The following CADM2 variants were observed in gnomAD, a reference collection of about 807,000 sequenced individuals.
CADM2 encodes the protein immunoglobulin superfamily member 4D.
Under a neutral mutation model 49.8 loss-of-function variants are expected in CADM2, and 12 were observed. The ratio of observed to expected loss-of-function variants is 0.24; its 90% CI spans 0.15 to 0.39. The LOEUF is 0.39. Ranked by LOEUF, CADM2 falls within the 10% of genes least tolerant of loss-of-function variation. The pLI is 1.00. For synonymous variants in CADM2, 214 were observed against 175.4 expected, an observed-to-expected ratio of 1.22 and a Z score of -1.74; for missense variants, 378 against 492.3, an observed-to-expected ratio of 0.77 and a Z score of 2.20.
At chr3:85,945,031 C>T (rs1722477888) in intron 7 of CADM2, among the ~76,000 whole-genome samples, 1 of 151,730 alleles carries the variant, frequency 6.6e-6, no homozygotes, top group African/African-American at 2.4e-5. Context: ...AGACCGCTAG[C>T]AAGACTAATA....
chr3:85,890,788 A>T (rs1714326857), intron 5 of CADM2, among the ~76,000 whole-genome samples: 1 of 152,114 alleles, frequency 6.6e-6, no homozygotes, highest in Admixed American at 6.5e-5. Flanking sequence ...TTCTTTCACA[A>T]AGGAGTAGAA....
intron 8 of CADM2, among the ~76,000 whole-genome samples, chr3:85,979,917 G>A (rs1727266371): frequency 6.6e-6 from 1 of 151,352 alleles, no homozygotes; most frequent in Non-Finnish European, 1.5e-5. Context: ...ATACAAATAA[G>A]AATTTTATTT....
intron 8 of CADM2, among the ~76,000 whole-genome samples, chr3:86,050,765 A>T (rs1737237286): frequency 6.6e-6 from 1 of 152,144 alleles, no homozygotes; most frequent in Non-Finnish European, 1.5e-5. Flanking sequence ...TCACAATTAG[A>T]GGTGGAGTGG....
intron 1 of CADM2, among the ~76,000 whole-genome samples, chr3:85,286,370 A>G (rs2043632982): frequency 6.6e-6 from 1 of 152,188 alleles, no homozygotes; most frequent in African/African-American, 2.4e-5. Context: ...GTCCAAATCA[A>G]GAAATGCCCA....
intron 2 of CADM2, among the ~76,000 whole-genome samples, chr3:85,756,176 T>C: frequency 6.6e-6 from 1 of 152,090 alleles, no homozygotes; most frequent in Non-Finnish European, 1.5e-5. Flanking sequence ...TTTTTTTAAT[T>C]ACACCACAGC....
chr3:85,528,134 A>G (rs1449388), intron 1 of CADM2, among the ~76,000 whole-genome samples: 46,575 of 151,932 alleles, frequency 0.31, 8,142 homozygotes, highest in East Asian at 0.55. Context: ...GCTCTCAGGG[A>G]TCTCTCTTGC....
chr3:85,563,138 G>A (rs2107189157), intron 1 of CADM2, among the ~76,000 whole-genome samples: 1 of 152,186 alleles, frequency 6.6e-6, no homozygotes, highest in East Asian at 1.9e-4. Flanking sequence ...CCTGGAAAAT[G>A]AACGTAATCA....
At chr3:85,099,726 T>G (rs2037940589) in intron 1 of CADM2, among the ~76,000 whole-genome samples, 1 of 152,166 alleles carries the variant, frequency 6.6e-6, no homozygotes, top group African/African-American at 2.4e-5. Flanking sequence ...CGCCTCAGCC[T>G]CCCAAAGTGC....
chr3:85,158,530 G>A (rs547747056), intron 1 of CADM2, among the ~76,000 whole-genome samples: 30 of 152,310 alleles, frequency 2.0e-4, no homozygotes, highest in Middle Eastern at 3.4e-3. Flanking sequence ...ATGAGTTCAT[G>A]TCCTTTGTAG....
intron 1 of CADM2, among the ~76,000 whole-genome samples, chr3:85,077,858 C>G (rs915011492): frequency 6.6e-6 from 1 of 151,930 alleles, no homozygotes; most frequent in Non-Finnish European, 1.5e-5. Context: ...AAATATCATT[C>G]GTTAGTAAAG....
intron 8 of CADM2, among the ~76,000 whole-genome samples, chr3:85,987,228 G>T (rs1728220831): frequency 6.6e-6 from 1 of 151,866 alleles, no homozygotes. Flanking sequence ...GAACATTTAT[G>T]CTCTCTTCTA....
At chr3:85,256,789 T>G (rs191039024) in intron 1 of CADM2, among the ~76,000 whole-genome samples, 1 of 152,282 alleles carries the variant, frequency 6.6e-6, no homozygotes. Flanking sequence ...ATTGCTTTTC[T>G]GATATTGAAC....
At chr3:85,511,767 GT>G (rs1214055653) in intron 1 of CADM2, 6 of 395,410 alleles carry the variant, frequency 1.5e-5, no homozygotes, top group Non-Finnish European at 2.1e-5. Flanking sequence ...AATTGTGACT[GT>G]AATCCACCAT....
Position 85,928,633 on chromosome 3 carries a change from T to G in CADM2, c.701-7134T>G, listed in dbSNP as rs571024153. On this transcript the variant is annotated intron_variant, in intron 6 of 9. Coordinates refer to ENST00000383699, the MANE Select transcript of CADM2 (RefSeq NM_001167675.2). The stretch of plus-strand genomic sequence containing the variant: ...GACATTCTAAAGAATATTTTTTGTT[T>G]CTACAAAAGTCTTAGAGCATTTTGC... Among the ~76,000 whole-genome samples, 3 of 152,326 alleles carry G rather than the reference T, an allele frequency of 2.0e-5. No homozygotes were observed. The East Asian group carries it at 5.8e-4, about 29-fold the overall frequency.
chr3:84,963,898 C>T (rs2030765437), intron 1 of CADM2, among the ~76,000 whole-genome samples: 1 of 152,092 alleles, frequency 6.6e-6, no homozygotes, highest in Non-Finnish European at 1.5e-5. Flanking sequence ...TTTCTCACTC[C>T]CTTTTTTGAT....
intron 1 of CADM2, among the ~76,000 whole-genome samples, chr3:85,293,681 C>T (rs1197293974): frequency 7.0e-6 from 1 of 143,516 alleles, no homozygotes; most frequent in Admixed American, 7.1e-5. Flanking sequence ...GAGCCAAAGA[C>T]AAAAACCACA....
chr3:85,657,470 A>G, intron 1 of CADM2, among the ~76,000 whole-genome samples: 1 of 151,926 alleles, frequency 6.6e-6, no homozygotes, highest in East Asian at 1.9e-4. Context: ...TTACCATGAG[A>G]AAAGAGGGAA....
intron 1 of CADM2, among the ~76,000 whole-genome samples, chr3:85,283,125 A>G (rs1252185358): frequency 6.6e-6 from 1 of 152,042 alleles, no homozygotes; most frequent in African/African-American, 2.4e-5. Flanking sequence ...TTTTATATTC[A>G]TTGGATAATG....
At chr3:86,026,780 A>G (rs1733954150) in intron 8 of CADM2, among the ~76,000 whole-genome samples, 1 of 152,344 alleles carries the variant, frequency 6.6e-6, no homozygotes, top group Non-Finnish European at 1.5e-5. Flanking sequence ...CAGATCTGCC[A>G]CTAGACTGTG....
Sources: gnomAD v4.1 joint callset for allele counts (sites outside exome capture counted in the v4.1 genomes callset) on GRCh38, gnomAD v4.1.1 for gene constraint, MANE v1.5 for transcripts, NCBI Gene and HGNC (gene_info 2026-07-23, HGNC 2026-07-21) for gene names.